The following ATAD2B variants were observed in gnomAD, a reference collection of about 807,000 sequenced individuals.
ATAD2B encodes the protein ATPase family AAA domain-containing protein 2B.
ATAD2B carries 40 observed loss-of-function variants against 167.6 expected under a neutral mutation model. The observed-to-expected ratio is 0.24, with a 90% CI of 0.19 to 0.31. The LOEUF is 0.31. ATAD2B is among the 10% of genes least tolerant of loss of function. The probability of loss-of-function intolerance (pLI) is 1.00; values close to 1 mark genes in which losing one functional copy is unlikely to be tolerated. For missense variants in ATAD2B, 1,242 were observed against 1,757.2 expected, an observed-to-expected ratio of 0.71 and a Z score of 5.24; for synonymous variants, 579 against 596.5, an observed-to-expected ratio of 0.97 and a Z score of 0.43.
chr2:23,853,671 AAC>A (rs1237018383), intron 13 of ATAD2B, among the ~76,000 whole-genome samples: 8 of 152,236 alleles, frequency 5.3e-5, no homozygotes, highest in Admixed American at 1.3e-4. Flanking sequence ...AATAAATCCC[AAC>A]AGTCTTTTCT....
intron 13 of ATAD2B, among the ~76,000 whole-genome samples, chr2:23,834,785 G>C (rs1452977299): frequency 4.6e-5 from 7 of 152,134 alleles, no homozygotes; most frequent in African/African-American, 1.7e-4. Flanking sequence ...AGGCGCGGTG[G>C]TGCATGCCTA....
At chr2:23,842,015 A>T (rs1250468912) in intron 13 of ATAD2B, among the ~76,000 whole-genome samples, 2 of 152,106 alleles carry the variant, frequency 1.3e-5, no homozygotes, top group Non-Finnish European at 2.9e-5. Flanking sequence ...TTACATGTAG[A>T]TGTCTCACTT....
chr2:23,839,124 CCTT>C (rs1690471344), intron 13 of ATAD2B, among the ~76,000 whole-genome samples: 1 of 152,106 alleles, frequency 6.6e-6, no homozygotes. Flanking sequence ...ATTGGTCTAA[CCTT>C]CTTAGCATCT....
chr2:23,820,293 AG>A (rs1687247777), intron 16 of ATAD2B, among the ~76,000 whole-genome samples: 2 of 152,218 alleles, frequency 1.3e-5, no homozygotes. Flanking sequence ...AAAAGCAACA[AG>A]GAACAAACTG....
chr2:23,830,991 GCT>G (rs1334750654), intron 14 of ATAD2B, among the ~76,000 whole-genome samples: 1 of 151,860 alleles, frequency 6.6e-6, no homozygotes, highest in Non-Finnish European at 1.5e-5. Flanking sequence ...CCCTAATAAT[GCT>G]CTTTCCCTAT....
At chr2:23,773,659 G>A (rs543814122) in intron 22 of ATAD2B, among the ~76,000 whole-genome samples, 1 of 152,302 alleles carries the variant, frequency 6.6e-6, no homozygotes, top group African/African-American at 2.4e-5. Flanking sequence ...ATATTTATGA[G>A]TTTTCACTCT....
the ATAD2B span, among the ~76,000 whole-genome samples, chr2:23,724,237 A>G: frequency 2.0e-5 from 3 of 152,156 alleles, no homozygotes; most frequent in Non-Finnish European, 4.4e-5. Context: ...AGTTAACAAT[A>G]ATATATAGTT....
chr2:23,863,562 G>A lies in ATAD2B; in HGVS notation c.1305-7C>T. On this transcript the variant is annotated splice_region_variant and splice_polypyrimidine_tract_variant and intron_variant, in intron 11 of 27. Coordinates refer to ENST00000238789, the MANE Select transcript of ATAD2B (RefSeq NM_017552.4). ...GCCATAAAACAAACAGCCCCTAGAA[G>A]AATAAAAAAATCAAGAAGTGTAAAT... 1 of 1,538,348 alleles carries A rather than the reference G, an allele frequency of 6.5e-7. No individual in the cohort carries two copies. Among genetic ancestry groups the A allele is most frequent in the South Asian group, 1.3e-5 (1 of 79,920 alleles).
At chr2:23,794,313 A>G (rs564301799) in intron 19 of ATAD2B, among the ~76,000 whole-genome samples, 33 of 152,286 alleles carry the variant, frequency 2.2e-4, no homozygotes, top group African/African-American at 7.2e-4. Context: ...TCCAGCCAGC[A>G]CTGTTTTAAA....
At chr2:23,760,315 T>C (rs1015836605) in intron 24 of ATAD2B, among the ~76,000 whole-genome samples, 4 of 152,318 alleles carry the variant, frequency 2.6e-5, no homozygotes, top group Middle Eastern at 3.4e-3. Context: ...ATCTTCACAG[T>C]ACCTGGCATG....
the ATAD2B span, among the ~76,000 whole-genome samples, chr2:23,679,331 C>T: frequency 1.3e-5 from 2 of 152,194 alleles, no homozygotes; most frequent in African/African-American, 4.8e-5. Context: ...GGTCTAAATG[C>T]CTCATCTGGG....
chr2:23,684,605 T>C, the ATAD2B span: 1 of 1,394,176 alleles, frequency 7.2e-7, no homozygotes, highest in Non-Finnish European at 9.6e-7. This position sits in a 1 kb window ranked among gnomAD's most constrained non-coding sequence, Gnocchi z 4.4. Flanking sequence ...GCTTTTCTCT[T>C]CCCCTCTCTT....
intron 19 of ATAD2B, among the ~76,000 whole-genome samples, chr2:23,796,058 C>T (rs1682572538): frequency 6.6e-6 from 1 of 152,112 alleles, no homozygotes; most frequent in South Asian, 2.1e-4. Flanking sequence ...CATAATGAGA[C>T]TTCGTCTCTA....
At chr2:23,849,804 G>A (rs976058114) in intron 13 of ATAD2B, among the ~76,000 whole-genome samples, 1 of 152,192 alleles carries the variant, frequency 6.6e-6, no homozygotes, top group Non-Finnish European at 1.5e-5. Context: ...TCCAGCCTGG[G>A]CGACAGAGTG....
chr2:23,803,882 C>T (rs1294979923), intron 18 of ATAD2B, among the ~76,000 whole-genome samples: 1 of 152,120 alleles, frequency 6.6e-6, no homozygotes. Flanking sequence ...CTACTAAATA[C>T]CAAACTTAAT....
intron 12 of ATAD2B, 78 bp from the exon 13 acceptor site, chr2:23,857,581 T>C: frequency 1.6e-6 from 1 of 627,560 alleles, no homozygotes; most frequent in South Asian, 2.9e-5. Context: ...TAATAGGTAA[T>C]AAAAGCAAAT....
At chr2:23,870,085 T>C (rs1008591123) in intron 8 of ATAD2B, among the ~76,000 whole-genome samples, 3 of 150,170 alleles carry the variant, frequency 2.0e-5, no homozygotes, top group Non-Finnish European at 3.0e-5. Context: ...TGGGCACCTG[T>C]AGTCCCAGCT....
chr2:23,903,593 T>C (rs1396918435), intron 1 of ATAD2B, among the ~76,000 whole-genome samples: 1 of 152,160 alleles, frequency 6.6e-6, no homozygotes, highest in Admixed American at 6.6e-5. Flanking sequence ...TCTTAAAAAG[T>C]GAGGCAAAAG....
chr2:23,899,753 G>T (rs1371166858), intron 1 of ATAD2B, among the ~76,000 whole-genome samples: 2 of 151,850 alleles, frequency 1.3e-5, no homozygotes, highest in Non-Finnish European at 2.9e-5. Flanking sequence ...ACCACGCCCA[G>T]CTAATTTTTG....
Sources: gnomAD v4.1 joint callset for allele counts (sites outside exome capture counted in the v4.1 genomes callset) on GRCh38, gnomAD v4.1.1 for gene constraint, Gnocchi (gnomAD v3.1) non-coding constraint, MANE v1.5 for transcripts, NCBI Gene and HGNC (gene_info 2026-07-23, HGNC 2026-07-21) for gene names.